The following GFRA1 variants were observed in gnomAD, a reference collection of about 807,000 sequenced individuals.
The protein encoded by GFRA1 is GDNF family receptor alpha 1, also known as GDNF family receptor alpha-1.
GFRA1 carries 16 observed loss-of-function variants against 51.6 expected under a neutral mutation model. The observed-to-expected ratio is 0.31, with a 90% CI of 0.21 to 0.47. The LOEUF (loss-of-function observed/expected upper bound fraction) is 0.47, where lower values mean the gene tolerates loss of function less well. Among genes scored for constraint, GFRA1 ranks in the 20% least tolerant of loss-of-function variants. The pLI, the probability that GFRA1 is intolerant of heterozygous loss-of-function variation, is 1.00. For synonymous variants in GFRA1, 270 were observed against 241.3 expected (o/e 1.12, Z -1.10); for missense variants, 530 against 594.3 (o/e 0.89, Z 1.13).
intron 5 of GFRA1, among the ~76,000 whole-genome samples, chr10:116,136,544 T>G (rs1194893762): frequency 6.6e-6 from 1 of 152,082 alleles, no homozygotes; most frequent in Non-Finnish European, 1.5e-5. Flanking sequence ...GGAAGAGAAA[T>G]ATGGAGTGAT....
chr10:116,084,727 T>C (rs1956010881), intron 9 of GFRA1, among the ~76,000 whole-genome samples: 1 of 151,206 alleles, frequency 6.6e-6, no homozygotes, highest in Admixed American at 6.6e-5. Context: ...AGAGAATTTT[T>C]CTAACGTTCC....
intron 4 of GFRA1, among the ~76,000 whole-genome samples, chr10:116,254,608 C>T (rs1476871906): frequency 1.3e-5 from 2 of 152,142 alleles, no homozygotes; most frequent in Non-Finnish European, 2.9e-5. Flanking sequence ...GACAACTGCC[C>T]TTTGGCAACC....
chr10:116,266,776 C>CTT (rs1278581910), intron 4 of GFRA1, among the ~76,000 whole-genome samples: 2 of 152,206 alleles, frequency 1.3e-5, no homozygotes, highest in Non-Finnish European at 2.9e-5. Flanking sequence ...TCAGACAAAC[C>CTT]AGTGGTATCT....
chr10:116,125,891 T>G (rs1190260677), intron 5 of GFRA1, among the ~76,000 whole-genome samples: 1 of 152,186 alleles, frequency 6.6e-6, no homozygotes, highest in Admixed American at 6.5e-5. Flanking sequence ...AAACTGAAAT[T>G]AGGATAAAAG....
intron 6 of GFRA1, among the ~76,000 whole-genome samples, chr10:116,119,610 C>T (rs1345264917): frequency 2.0e-5 from 3 of 152,214 alleles, no homozygotes; most frequent in Non-Finnish European, 4.4e-5. Flanking sequence ...CCATTTTCTC[C>T]TGCGCTTGCT....
chr10:116,216,006 G>T (rs1294352076), intron 4 of GFRA1, among the ~76,000 whole-genome samples: 5 of 152,148 alleles, frequency 3.3e-5, no homozygotes, highest in African/African-American at 9.7e-5. Context: ...GCCTTTCTTA[G>T]CCCTGCTGTC....
At position 116,064,536 on chromosome 10, in the gene GFRA1, A is replaced by G; in HGVS notation, c.1260T>C (p.Tyr420=). 6.2e-7 allele frequency: 1 copy of G among 1,612,322 alleles called. No individual in the cohort carries two copies. The highest frequency in any genetic ancestry group is 1.1e-5 in the South Asian group (1 of 90,986). The change falls in exon 11 of 11, where the codon TAT becomes TAC. Residue 420 remains tyrosine, a synonymous_variant. Coordinates refer to ENST00000355422, the MANE Select transcript of GFRA1 (RefSeq NM_005264.8). The stretch of plus-strand genomic sequence containing the variant: ...TGGAAGCACCGAGACCTTCTTTTTC[A>G]TAATTACCCTGTAAGGAAGAATGGT... The part of the protein sequence containing the change: ...NTHLCISNGN[Y]EKEGLGASSH...
chr10:116,161,916 G>A (rs1959849725), intron 5 of GFRA1, among the ~76,000 whole-genome samples: 1 of 152,178 alleles, frequency 6.6e-6, no homozygotes, highest in African/African-American at 2.4e-5. Flanking sequence ...TGGGCCACTT[G>A]GCCCTGTACA....
intron 6 of GFRA1, among the ~76,000 whole-genome samples, chr10:116,123,755 TC>T (rs1336199198): frequency 2.6e-5 from 4 of 152,178 alleles, no homozygotes; most frequent in African/African-American, 7.2e-5. Context: ...CCTGCTTCGA[TC>T]AGCAATTGAA....
In GFRA1 at chr10:116,208,113, G is replaced by A. The variant is rs151267802; in HGVS notation, c.433+3518C>T. On this transcript the variant is annotated intron_variant, in intron 5 of 10. Transcript: ENST00000355422. ...TCACACAACTTTCTCCTTCACTCACGAGCTCCAGATACACCCCAGGCTTTC... is the reference window on the plus strand; with the variant it reads ...TCACACAACTTTCTCCTTCACTCACAAGCTCCAGATACACCCCAGGCTTTC... 3.3e-3 allele frequency among the ~76,000 whole-genome samples: 494 copies of A among 151,644 alleles called. 4 individuals are homozygous for A. Among genetic ancestry groups the A allele is most frequent in the African/African-American group, 0.011 (466 of 41,302 alleles).
upstream of GFRA1, among the ~76,000 whole-genome samples, chr10:116,273,694 T>TCACA (rs1190475598): frequency 7.0e-4 from 59 of 84,774 alleles, no homozygotes; most frequent in African/African-American, 1.8e-3. Flanking sequence ...TCTCTCTCTC[T>TCACA]CACACACACA....
intron 5 of GFRA1, among the ~76,000 whole-genome samples, chr10:116,210,245 C>A (rs2134437899): frequency 6.6e-6 from 1 of 152,228 alleles, no homozygotes; most frequent in East Asian, 1.9e-4. Flanking sequence ...ACCAGCCTCC[C>A]CTCTCCCCAT....
intron 4 of GFRA1, among the ~76,000 whole-genome samples, chr10:116,242,187 C>T (rs1054711978): frequency 1.3e-5 from 2 of 152,142 alleles, no homozygotes; most frequent in Admixed American, 1.3e-4. Flanking sequence ...AAACCCTGTG[C>T]GTTGGCAATT....
At chr10:116,148,509 C>T (rs1031949953) in intron 5 of GFRA1, among the ~76,000 whole-genome samples, 1 of 530 alleles carries the variant, frequency 1.9e-3, no homozygotes, top group Non-Finnish European at 0.031. Context: ...CAGTACAAAC[C>T]TCAGGGGTTG....
At chr10:116,109,189 G>A (rs1957105951) in intron 6 of GFRA1, among the ~76,000 whole-genome samples, 1 of 152,184 alleles carries the variant, frequency 6.6e-6, no homozygotes, top group South Asian at 2.1e-4. Flanking sequence ...CCAAAGTCAT[G>A]GAGCAGGCCA....
chr10:116,252,395 C>G (rs754269843), intron 4 of GFRA1, among the ~76,000 whole-genome samples: 5 of 152,148 alleles, frequency 3.3e-5, no homozygotes, highest in Non-Finnish European at 5.9e-5. Flanking sequence ...AGGAACAGGG[C>G]ACATGGAGGA....
intron 5 of GFRA1, among the ~76,000 whole-genome samples, chr10:116,157,590 C>T (rs76218960): frequency 6.6e-6 from 1 of 152,322 alleles, no homozygotes; most frequent in Non-Finnish European, 1.5e-5. Context: ...ATTTCCTATT[C>T]ATCCTTGAAG....
intron 6 of GFRA1, among the ~76,000 whole-genome samples, chr10:116,112,359 G>A (rs929072128): frequency 2.0e-5 from 3 of 152,146 alleles, no homozygotes; most frequent in African/African-American, 4.8e-5. Flanking sequence ...CGGCTTTTCC[G>A]ATTCTAAGGG....
intron 6 of GFRA1, among the ~76,000 whole-genome samples, chr10:116,105,169 A>G (rs9787473): frequency 0.5 from 76,424 of 152,100 alleles, 20,407 homozygotes; most frequent in Middle Eastern, 0.59. Flanking sequence ...AGGATCATAA[A>G]GCTCTCAGAT....
Sources: gnomAD v4.1 joint callset for allele counts (sites outside exome capture counted in the v4.1 genomes callset) on GRCh38, gnomAD v4.1.1 for gene constraint, MANE v1.5 for transcripts, NCBI Gene and HGNC (gene_info 2026-07-23, HGNC 2026-07-21) for gene names.